Variants in HACD4 observed in about 807,000 individuals in gnomAD.
HACD4 encodes very-long-chain (3R)-3-hydroxyacyl-CoA dehydratase 4.
HACD4 carries 35 observed loss-of-function variants against 33.3 expected under a neutral mutation model. The observed-to-expected ratio is 1.05, with a 90% CI of 0.80 to 1.39. HACD4 has a LOEUF of 1.39. Among genes scored for constraint, HACD4 ranks in the 40% most tolerant of loss-of-function variants. HACD4 has a pLI of 0.00. For missense variants in HACD4, 323 were observed against 276.5 expected (o/e 1.17, Z -1.19); for synonymous variants, 118 against 98.0 (o/e 1.20, Z -1.21).
rs1209572219 is a variant in HACD4 at position 21,011,702 on chromosome 9, G to A, written c.384-7C>T. ...TAACATGCTATAAGTGTACCTGAAAGGAGATGAGAAGCTCATAAACATCAT... is the reference window on the plus strand; with the variant it reads ...TAACATGCTATAAGTGTACCTGAAAAGAGATGAGAAGCTCATAAACATCAT... On this transcript the variant is annotated splice_polypyrimidine_tract_variant and splice_region_variant and intron_variant, in intron 4 of 6. Transcript: ENST00000495827. The A allele has an allele frequency of 2.7e-6, 4 of 1,489,822 alleles. No homozygotes were observed. Among genetic ancestry groups the A allele is most frequent in the Non-Finnish European group, 3.7e-6 (4 of 1,076,888 alleles). The allele number at this position is 1,489,822 out of a possible 1,614,324, so 92.3% of individuals were successfully genotyped here. A position where few individuals can be genotyped will look rare whatever the true frequency, so the allele number is the denominator to read the frequency against.
chr9:21,030,884 C>T (rs1587844624), intron 1 of HACD4, among the ~76,000 whole-genome samples: 1 of 152,126 alleles, frequency 6.6e-6, no homozygotes, highest in African/African-American at 2.4e-5. Flanking sequence ...TGAAATGTTC[C>T]CTGGGAGTTC....
At chr9:21,025,957 G>A (rs762220962) in intron 3 of HACD4, among the ~76,000 whole-genome samples, 9 of 152,278 alleles carry the variant, frequency 5.9e-5, no homozygotes, top group Non-Finnish European at 1.3e-4. Flanking sequence ...TATACAACTA[G>A]TGCAAAGTAG....
chr9:21,016,063 G>T, intron 3 of HACD4, 53 bp from the exon 4 acceptor site: 1 of 1,251,552 alleles, frequency 8.0e-7, no homozygotes, highest in Non-Finnish European at 1.2e-6. Context: ...GGCTATGTAG[G>T]TAATTTTCTA....
rs200329554 is a variant in HACD4 at position 21,029,302 on chromosome 9, A to G, written c.135T>C (p.Phe45=). 367 of 1,560,130 alleles carry G rather than the reference A, an allele frequency of 2.4e-4. No individual in the cohort carries two copies. Among genetic ancestry groups the G allele is most frequent in the East Asian group, 5.2e-4 (23 of 44,480 alleles). The part of the protein sequence containing the change: ...FTNMTVRFFS[F]GKDSMVDTFY... ...ACTGTTTCGGAGTTTTACCTTTTCC[A>G]AATGAAAAGAATCTGACTGTCATAT... Residue 45 remains phenylalanine, a synonymous_variant, in exon 2 of 7, where the codon TTT becomes TTC. Coordinates refer to ENST00000495827, the MANE Select transcript of HACD4 (RefSeq NM_001010915.5).
At position 21,006,569 on chromosome 9, in the gene HACD4, C is replaced by A; in HGVS notation, c.*468G>T. On this transcript the variant is annotated 3_prime_UTR_variant, in exon 7 of 7. Transcript: ENST00000495827. The surrounding 1 kb of genome is among the most constrained non-coding windows in gnomAD (Gnocchi z 4.6). ...GAGTATTATTAGATCTGAAGACAGA[C>A]ATCTGTCTATGAAATATGTTATTCT... The A allele has an allele frequency of 5.1e-6, 1 of 195,362 alleles. No homozygotes were observed. The highest frequency in any genetic ancestry group is 1.0e-5 in the Non-Finnish European group (1 of 97,184). 12.1% of individuals were successfully genotyped at this position (195,362 alleles called of 1,614,324 possible).
At position 21,014,400 on chromosome 9, in the gene HACD4, T is replaced by G. The variant is rs1284363100; in HGVS notation, c.383+1498A>C. 2.0e-5 allele frequency among the ~76,000 whole-genome samples: 3 copies of G among 152,172 alleles called. 1 individual carries two copies. Among genetic ancestry groups the G allele is most frequent in the Non-Finnish European group, 1.5e-5 (1 of 68,028 alleles). On this transcript the variant is annotated intron_variant, in intron 4 of 6. Coordinates refer to ENST00000495827, the MANE Select transcript of HACD4 (RefSeq NM_001010915.5). ...CTCAGCCCAAAATGCAATGAAGTAC[T>G]GCACATGCCACAACACAGAGGAACC...
chr9:21,020,751 T>C (rs1247934287), intron 3 of HACD4, among the ~76,000 whole-genome samples: 2 of 152,216 alleles, frequency 1.3e-5, no homozygotes, highest in African/African-American at 4.8e-5. Context: ...TTTTCTTATA[T>C]GATTTTTATT....
chr9:21,007,381 T>G (rs1842296687), intron 6 of HACD4, among the ~76,000 whole-genome samples: 1 of 152,208 alleles, frequency 6.6e-6, no homozygotes, highest in African/African-American at 2.4e-5. Flanking sequence ...CTCTAAAGTT[T>G]CACATTTTTG....
chr9:21,029,693 A>G (rs1014408107), intron 1 of HACD4, among the ~76,000 whole-genome samples: 3 of 152,254 alleles, frequency 2.0e-5, no homozygotes, highest in African/African-American at 7.2e-5. Flanking sequence ...AATGCATGTA[A>G]TACAACTGAT....
intron 4 of HACD4, chr9:21,015,004 C>T (rs965710568): frequency 3.9e-5 from 6 of 152,054 alleles, no homozygotes; most frequent in African/African-American, 1.4e-4. Flanking sequence ...TTATGGGCTA[C>T]AAAAGTCCAT....
intron 6 of HACD4, 94 bp downstream of exon 6, chr9:21,007,927 C>G: frequency 8.5e-7 from 1 of 1,172,920 alleles, no homozygotes; most frequent in Non-Finnish European, 1.2e-6. Context: ...TTTGGTCTCT[C>G]CCATGTTTAC....
Position 21,031,565 on chromosome 9 carries a change from C to T in HACD4, c.26G>A (p.Trp9Ter). 5 of 1,455,516 alleles carry T rather than the reference C, an allele frequency of 3.4e-6. No homozygotes were observed. Among genetic ancestry groups the T allele is most frequent in the Non-Finnish European group, 3.6e-6 (4 of 1,110,376 alleles). The allele number at this position is 1,455,516 out of a possible 1,614,324, so 90.2% of individuals were successfully genotyped here. A position where few individuals can be genotyped will look rare whatever the true frequency, so the allele number is the denominator to read the frequency against. MGPLALPA[W>*]LQPRYRKNAY... ...CCGAGCGCCCTACCTGGGCTGCAGC[C>T]AGGCGGGCAGCGCCAAGGGCCCCAT... Residue 9 changes from tryptophan to a stop codon, truncating the protein, a stop_gained, in exon 1 of 7, where the codon TGG (tryptophan) becomes TAG (stop). Transcript: ENST00000495827. LOFTEE classifies it high-confidence loss of function.
intron 4 of HACD4, chr9:21,015,325 C>G (rs1842530871): frequency 6.6e-6 from 1 of 152,154 alleles, no homozygotes. Flanking sequence ...CAGAGTGAGG[C>G]GTAAGCACTC....
At chr9:21,030,776 G>A (rs1257398208) in intron 1 of HACD4, among the ~76,000 whole-genome samples, 2 of 152,222 alleles carry the variant, frequency 1.3e-5, no homozygotes, top group Admixed American at 6.5e-5. Flanking sequence ...GAAGAGGGAA[G>A]TCAAGCTGGG....
At chr9:21,009,565 A>G (rs1263699775) in intron 5 of HACD4, among the ~76,000 whole-genome samples, 1 of 152,200 alleles carries the variant, frequency 6.6e-6, no homozygotes, top group Non-Finnish European at 1.5e-5. Context: ...TTGGCAAATC[A>G]TAATTGTATA....
intron 3 of HACD4, among the ~76,000 whole-genome samples, chr9:21,022,284 C>G (rs955574415): frequency 6.6e-6 from 1 of 152,168 alleles, no homozygotes; most frequent in Non-Finnish European, 1.5e-5. Context: ...TAGAAGAACA[C>G]CTAGGCAATA....
At chr9:21,021,784 C>T (rs1360141036) in intron 3 of HACD4, among the ~76,000 whole-genome samples, 6 of 152,038 alleles carry the variant, frequency 3.9e-5, no homozygotes, top group East Asian at 3.8e-4. Flanking sequence ...GAATCAATAT[C>T]GTGAAAATGG....
At chr9:21,020,246 G>A (rs1050581574) in intron 3 of HACD4, among the ~76,000 whole-genome samples, 2 of 152,028 alleles carry the variant, frequency 1.3e-5, no homozygotes, top group Non-Finnish European at 2.9e-5. Flanking sequence ...ACAGAGGGAA[G>A]GATGTATAAT....
Position 21,015,908 on chromosome 9 carries a change from C to A in HACD4, c.373G>T (p.Asp125Tyr). 6.2e-7 allele frequency: 1 copy of A among 1,608,552 alleles called. No individual in the cohort carries two copies. Among genetic ancestry groups the A allele is most frequent in the Non-Finnish European group, 8.5e-7 (1 of 1,175,228 alleles). Residue 125 changes from aspartate to tyrosine, a missense_variant, in exon 4 of 7, where the codon GAT (aspartate) becomes TAT (tyrosine). By Grantham distance (160) the Asp-to-Tyr change is radical. Coordinates refer to ENST00000495827, the MANE Select transcript of HACD4 (RefSeq NM_001010915.5). Reference sequence around the variant, plus strand: ...ATTTTGCCTTCTTACCTAACCATATCCAATAGATTCCAAAAGACGAATAAA... The same window carrying A: ...ATTTTGCCTTCTTACCTAACCATATACAATAGATTCCAAAAGACGAATAAA... ...CVLFVFWNLL[D>Y]MVRYTYSMLS...
Sources: allele counts gnomAD v4.1 joint callset (sites outside exome capture counted in the v4.1 genomes callset), GRCh38; gene constraint gnomAD v4.1.1; non-coding constraint Gnocchi (gnomAD v3.1); transcripts MANE v1.5; gene names NCBI Gene and HGNC (gene_info 2026-07-23, HGNC 2026-07-21).